Variants in RAG1 observed in about 807,000 individuals in gnomAD.
RAG1 encodes the protein recombination activating 1.
RAG1 carries 35 observed loss-of-function variants against 62.7 expected under a neutral mutation model. That is an observed-to-expected ratio of 0.56 (90% confidence interval 0.43 to 0.74). RAG1 has a LOEUF of 0.74. RAG1 is among the 30% of genes least tolerant of loss of function. RAG1 has a pLI of 0.00. For missense variants in RAG1, 1,169 were observed against 1,278.6 expected (o/e 0.91, Z 1.31); for synonymous variants, 461 against 470.3 (o/e 0.98, Z 0.26).
At chr11:36,547,053 A>G (rs1475133041) in intron 3 of RAG1, among the ~76,000 whole-genome samples, 1 of 151,778 alleles carries the variant, frequency 6.6e-6, no homozygotes, top group Non-Finnish European at 1.5e-5. Flanking sequence ...GCTCTTCTCA[A>G]GGGGTATCTT....
chr11:36,514,822 CCTCA>C (rs1158256822), intron 1 of RAG1, among the ~76,000 whole-genome samples: 2 of 152,204 alleles, frequency 1.3e-5, no homozygotes, highest in African/African-American at 4.8e-5. Context: ...AGCTTCATTC[CCTCA>C]CTCACCACTC....
At chr11:36,525,419 T>A (rs903736360) in intron 2 of RAG1, among the ~76,000 whole-genome samples, 1 of 152,162 alleles carries the variant, frequency 6.6e-6, no homozygotes, top group Non-Finnish European at 1.5e-5. Context: ...ATATTGTCAA[T>A]CTTAAACAAT....
At chr11:36,564,477 T>C (rs1850633706), upstream of RAG1, among the ~76,000 whole-genome samples, 1 of 152,216 alleles carries the variant, frequency 6.6e-6, no homozygotes, top group Non-Finnish European at 1.5e-5. Context: ...AGCCAGTTCA[T>C]GGATTCAACA....
downstream of RAG1, among the ~76,000 whole-genome samples, chr11:36,537,318 A>C (rs907437507): frequency 2.0e-5 from 3 of 152,204 alleles, no homozygotes; most frequent in Non-Finnish European, 2.9e-5. Context: ...AAACAAAACA[A>C]AATGTAAAAG....
rs1362676508 is a variant in RAG1, at chr11:36,577,773, C to A, written c.*1337C>A. On this transcript the variant is annotated 3_prime_UTR_variant, in exon 2 of 2. Transcript: ENST00000299440. Reference sequence around the variant, plus strand: ...TCCTTTTGTCTCCAAAGCCCTTCTTCTTTCCACCACAAATTAATCACTATG... The same window carrying A: ...TCCTTTTGTCTCCAAAGCCCTTCTTATTTCCACCACAAATTAATCACTATG... The A allele has an allele frequency of 6.0e-6, 1 of 167,104 alleles. No individual in the cohort carries two copies. Among genetic ancestry groups the A allele is most frequent in the African/African-American group, 2.4e-5 (1 of 41,470 alleles). 10.4% of individuals were successfully genotyped at this position (167,104 alleles called of 1,614,324 possible). A position where few individuals can be genotyped will look rare whatever the true frequency, so the allele number is the denominator to read the frequency against.
chr11:36,549,972 A>G, intron 3 of RAG1, among the ~76,000 whole-genome samples: 5 of 152,096 alleles, frequency 3.3e-5, no homozygotes, highest in African/African-American at 1.2e-4. Flanking sequence ...GCAGAAACAT[A>G]GATAAAGCTG....
chr11:36,519,646 G>A (rs1860047682), intron 1 of RAG1, among the ~76,000 whole-genome samples: 1 of 152,166 alleles, frequency 6.6e-6, no homozygotes, highest in Non-Finnish European at 1.5e-5. Context: ...AGGGAAATTG[G>A]TAGGCCAAAG....
At chr11:36,540,520 T>C (rs1212049302), downstream of RAG1, among the ~76,000 whole-genome samples, 1 of 152,198 alleles carries the variant, frequency 6.6e-6, no homozygotes, top group Admixed American at 6.5e-5. Context: ...TTCTCCTGCC[T>C]CAGCCTCCCG....
At position 36,574,636 on chromosome 11, in the gene RAG1, G is replaced by A. The variant is rs779047153; in HGVS notation, c.1332G>A (p.Ala444=). The change falls in exon 2 of 2, where the codon GCG becomes GCA. Residue 444 remains alanine (A), a synonymous_variant. Transcript: ENST00000299440. ...CCTTGTTCCTGCTGGCTCTGAGGGCGAGGAATGAGCACAGGCAAGCTGATG... is the reference window on the plus strand; with the variant it reads ...CCTTGTTCCTGCTGGCTCTGAGGGCAAGGAATGAGCACAGGCAAGCTGATG... ...CMTLFLLALR[A]RNEHRQADEL... The A allele has an allele frequency of 1.7e-5, 28 of 1,614,234 alleles. No homozygotes were observed. Among genetic ancestry groups the A allele is most frequent in the East Asian group, 4.5e-5 (2 of 44,888 alleles).
Position 36,574,513 on chromosome 11 carries a change from T to A in RAG1, c.1209T>A (p.Thr403=), listed in dbSNP as rs898092329. The change falls in exon 2 of 2, where the codon ACT becomes ACA. Residue 403 remains threonine (T), a synonymous_variant. Transcript: ENST00000299440. ...CCCGCCAACATCTTCTGTCGCTGACTCGGAGAGCTCAGAAGCACCGGCTGA... is the reference window on the plus strand; with the variant it reads ...CCCGCCAACATCTTCTGTCGCTGACACGGAGAGCTCAGAAGCACCGGCTGA... ...GRPRQHLLSL[T]RRAQKHRLRE... 4 of 1,614,224 alleles carry A rather than the reference T, an allele frequency of 2.5e-6. No homozygotes were observed. Among genetic ancestry groups the A allele is most frequent in the Non-Finnish European group, 2.5e-6 (3 of 1,180,048 alleles).
chr11:36,540,456 G>A (rs962244256), downstream of RAG1, among the ~76,000 whole-genome samples: 1 of 152,098 alleles, frequency 6.6e-6, no homozygotes, highest in African/African-American at 2.4e-5. Context: ...CCAGGCTGGA[G>A]TGCAGTGGCA....
intron 2 of RAG1, among the ~76,000 whole-genome samples, chr11:36,527,187 G>A (rs935708319): frequency 2.0e-5 from 3 of 152,066 alleles, no homozygotes; most frequent in African/African-American, 7.2e-5. Context: ...GTATTGCCTA[G>A]GTTTCCTTCT....
chr11:36,550,554 G>C (rs1285894827), intron 3 of RAG1, among the ~76,000 whole-genome samples: 1 of 152,050 alleles, frequency 6.6e-6, no homozygotes, highest in Non-Finnish European at 1.5e-5. Flanking sequence ...TGGTTTTGAG[G>C]GTTAGATGAC....
downstream of RAG1, among the ~76,000 whole-genome samples, chr11:36,540,522 A>C (rs374210656): frequency 4.1e-4 from 63 of 152,196 alleles, no homozygotes; most frequent in South Asian, 3.3e-3. Context: ...CTCCTGCCTC[A>C]GCCTCCCGAG....
At chr11:36,544,110 A>G (rs1850355811) in intron 3 of RAG1, among the ~76,000 whole-genome samples, 1 of 152,234 alleles carries the variant, frequency 6.6e-6, no homozygotes, top group African/African-American at 2.4e-5. Flanking sequence ...TAGGGTAGGT[A>G]CAATTGGCTG....
chr11:36,529,160 G>C lies in RAG1; in HGVS notation n.429-6799G>C, dbSNP rs1048253852. 5.3e-5 allele frequency among the ~76,000 whole-genome samples: 8 copies of C among 152,242 alleles called. No individual in the cohort carries two copies. In the South Asian group the frequency reaches 1.7e-3, roughly 32 times the overall value. On this transcript the variant is annotated intron_variant and non_coding_transcript_variant, in intron 2 of 2. Transcript: ENST00000529126. ...CATTTTATGAGGCCAGCATCATCCT[G>C]ATACCAAAACCTGGCAGAGACACAA...
At chr11:36,570,235 A>G (rs989141698) in intron 1 of RAG1, among the ~76,000 whole-genome samples, 1 of 152,168 alleles carries the variant, frequency 6.6e-6, no homozygotes, top group Non-Finnish European at 1.5e-5. Flanking sequence ...ATATTGCTAA[A>G]TTGTCTAGTA....
At chr11:36,517,478 A>G (rs901127758) in intron 1 of RAG1, among the ~76,000 whole-genome samples, 1 of 152,208 alleles carries the variant, frequency 6.6e-6, no homozygotes, top group African/African-American at 2.4e-5. Flanking sequence ...AAAATTAGGT[A>G]AATTACAAAT....
rs752495346 is a variant in RAG1, at chr11:36,574,968, C to T, written c.1664C>T (p.Thr555Ile). ...TCTGTGGATGATTACCCAGTGGACA[C>T]CATTGCAAAGAGGTTCCGCTATGAT... ...SSSVDDYPVDTIAKRFRYDSA... is the reference protein window; with the variant it reads ...SSSVDDYPVDIIAKRFRYDSA... The change falls in exon 2 of 2, where the codon ACC (threonine) becomes ATC (isoleucine). Residue 555 changes from threonine (T) to isoleucine (I), a missense_variant. By Grantham distance (89) the Thr-to-Ile change is moderately conservative. This residue lies in a region of RAG1 where 800 missense variants were observed against 943.3 expected (regional missense o/e 0.85). Transcript: ENST00000299440. 2 of 1,614,040 alleles carry T rather than the reference C, an allele frequency of 1.2e-6. No homozygotes were observed. Among genetic ancestry groups the T allele is most frequent in the East Asian group, 2.2e-5 (1 of 44,888 alleles).
Sources: gnomAD v4.1 joint callset for allele counts (sites outside exome capture counted in the v4.1 genomes callset) on GRCh38, gnomAD v4.1.1 for gene constraint, gnomAD v4.1.1 regional missense constraint, MANE v1.5 for transcripts, NCBI Gene and HGNC (gene_info 2026-07-23, HGNC 2026-07-21) for gene names.